Variants in POU2F3 observed in about 807,000 individuals in gnomAD.
POU2F3 encodes POU domain, class 2, transcription factor 3.
A neutral mutation model predicts 59.2 loss-of-function variants in POU2F3; 23 were observed. The ratio of observed to expected loss-of-function variants is 0.39; its 90% CI spans 0.28 to 0.55. The LOEUF (loss-of-function observed/expected upper bound fraction) is 0.55. Among genes scored for constraint, POU2F3 ranks in the 20% least tolerant of loss-of-function variants. POU2F3 has a pLI of 0.66. For missense variants in POU2F3, 473 were observed against 544.5 expected (o/e 0.87, Z 1.31); for synonymous variants, 190 against 214.6 (o/e 0.89, Z 1.00).
At chr11:120,310,034 C>T (rs1941614201) in intron 10 of POU2F3, among the ~76,000 whole-genome samples, 1 of 152,186 alleles carries the variant, frequency 6.6e-6, no homozygotes, top group South Asian at 2.1e-4. Context: ...TTGAAAGGCC[C>T]CTGGCTTTCA....
intron 3 of POU2F3, among the ~76,000 whole-genome samples, chr11:120,294,079 C>T (rs974900298): frequency 5.9e-5 from 9 of 152,180 alleles, no homozygotes; most frequent in Non-Finnish European, 8.8e-5. Flanking sequence ...AGGGCTTCCA[C>T]CTCCTTGGAA....
At chr11:120,274,517 T>G (rs140487570) in intron 3 of POU2F3, among the ~76,000 whole-genome samples, 1 of 152,186 alleles carries the variant, frequency 6.6e-6, no homozygotes, top group Non-Finnish European at 1.5e-5. Flanking sequence ...TGGCTGAGAA[T>G]TCTAGCTTGA....
rs139569140 is a variant in POU2F3, at chr11:120,304,882, A to C, written c.445-148A>C. 2.5e-3 allele frequency: 1,419 copies of C among 559,910 alleles called. 4 individuals carry two copies. The highest frequency in any genetic ancestry group is 3.6e-3 in the Middle Eastern group (7 of 1,954). 34.7% of individuals were successfully genotyped at this position (559,910 alleles called of 1,614,324 possible). A position where few individuals can be genotyped will look rare whatever the true frequency, so the allele number is the denominator to read the frequency against. On this transcript the variant is annotated intron_variant, in intron 6 of 12. Transcript: ENST00000543440. Reference sequence around the variant, plus strand: ...ACTTCCATGCCACTGGAAAAATATAAGACTCCAATGTACCCAGGGTGTATC... The same window carrying C: ...ACTTCCATGCCACTGGAAAAATATACGACTCCAATGTACCCAGGGTGTATC...
chr11:120,259,886 T>C (rs1475592307), intron 2 of POU2F3, among the ~76,000 whole-genome samples: 10 of 152,226 alleles, frequency 6.6e-5, no homozygotes, highest in African/African-American at 1.9e-4. Context: ...GTAGGCATAA[T>C]GTCTGGGGGC....
intron 2 of POU2F3, chr11:120,256,078 C>A (rs911214906): frequency 6.6e-6 from 1 of 152,172 alleles, no homozygotes; most frequent in African/African-American, 2.4e-5. Flanking sequence ...CTGAGGGTCT[C>A]TAAAACAACT....
At chr11:120,237,825 G>T (rs570710249), upstream of POU2F3, among the ~76,000 whole-genome samples, 5 of 152,194 alleles carry the variant, frequency 3.3e-5, no homozygotes, top group South Asian at 1.0e-3. Flanking sequence ...GGCCAGAAGG[G>T]GATGGGAGTT....
At chr11:120,256,051 A>T (rs960161444) in intron 2 of POU2F3, 6 of 152,210 alleles carry the variant, frequency 3.9e-5, no homozygotes, top group African/African-American at 1.2e-4. Context: ...TTTGTGCATA[A>T]GACGAAGGGT....
At chr11:120,273,594 A>G (rs746493070) in intron 3 of POU2F3, among the ~76,000 whole-genome samples, 74 of 152,214 alleles carry the variant, frequency 4.9e-4, no homozygotes, top group Non-Finnish European at 9.6e-4. Flanking sequence ...AGTTTCATTT[A>G]CTAGAAGAGC....
intron 2 of POU2F3, among the ~76,000 whole-genome samples, chr11:120,262,655 T>A (rs1280402882): frequency 6.6e-6 from 1 of 152,262 alleles, no homozygotes; most frequent in African/African-American, 2.4e-5. Context: ...TTGCTTTATG[T>A]ATCAGCTATG....
intron 3 of POU2F3, among the ~76,000 whole-genome samples, chr11:120,273,944 G>A (rs1327922552): frequency 6.6e-6 from 1 of 152,040 alleles, no homozygotes; most frequent in South Asian, 2.1e-4. Context: ...CTTGAACCTG[G>A]GAGGTGGAGG....
upstream of POU2F3, among the ~76,000 whole-genome samples, chr11:120,238,172 G>T (rs1215166701): frequency 6.6e-6 from 1 of 152,082 alleles, no homozygotes. Context: ...CCTGGGAGGC[G>T]GAGATTGCCG....
At chr11:120,311,943 G>A (rs1228271466) in intron 10 of POU2F3, among the ~76,000 whole-genome samples, 1 of 152,070 alleles carries the variant, frequency 6.6e-6, no homozygotes, top group Non-Finnish European at 1.5e-5. Flanking sequence ...CGGAGTGTTG[G>A]GCAGGAATGA....
intron 2 of POU2F3, among the ~76,000 whole-genome samples, chr11:120,252,664 G>T (rs1056216266): frequency 2.6e-5 from 4 of 152,148 alleles, no homozygotes; most frequent in Non-Finnish European, 4.4e-5. Context: ...TTGCTTCTCT[G>T]CCTCCAGCAC....
intron 3 of POU2F3, among the ~76,000 whole-genome samples, chr11:120,272,332 C>G (rs1187727122): frequency 6.6e-6 from 1 of 152,166 alleles, no homozygotes; most frequent in Non-Finnish European, 1.5e-5. Context: ...GCCCATTTTT[C>G]CCATGAGGCC....
At chr11:120,251,479 G>A (rs1011129995) in intron 2 of POU2F3, among the ~76,000 whole-genome samples, 1 of 152,244 alleles carries the variant, frequency 6.6e-6, no homozygotes, top group Non-Finnish European at 1.5e-5. Context: ...GTAATAGAAG[G>A]AGAAGGGTAG....
At chr11:120,280,632 A>AAGAGAG (rs5795223) in intron 3 of POU2F3, among the ~76,000 whole-genome samples, 16 of 139,452 alleles carry the variant, frequency 1.1e-4, no homozygotes, top group African/African-American at 4.3e-4. Context: ...GAGAGAGAAA[A>AAGAGAG]AGAGAGAGAG....
rs368420641 is a variant in POU2F3, at chr11:120,305,628, C to T, written c.628-16C>T. 17 of 1,612,738 alleles carry T rather than the reference C, an allele frequency of 1.1e-5. No homozygotes were observed. Among genetic ancestry groups the T allele is most frequent in the African/African-American group, 8.0e-5 (6 of 75,008 alleles). ...GGCTGCCTCTCATGTTCCTCCCCCTCGGTCCCCACGCTTAGGGAGATGTGG... is the reference window on the plus strand; with the variant it reads ...GGCTGCCTCTCATGTTCCTCCCCCTTGGTCCCCACGCTTAGGGAGATGTGG... On this transcript the variant is annotated splice_polypyrimidine_tract_variant and intron_variant, in intron 7 of 12. Transcript: ENST00000543440.
rs905817364 is a variant in POU2F3 at position 120,305,171 on chromosome 11, A to G, written c.586A>G (p.Lys196Glu). Residue 196 changes from lysine (K) to glutamate (E), a missense_variant, in exon 7 of 13, where the codon AAG becomes GAG. Transcript: ENST00000543440. ...CCTCGAGGAGCTGGAGAAGTTTGCC[A>G]AGACCTTCAAGCAGAGGCGCATTAA... ...SDLEELEKFAKTFKQRRIKLG... is the reference protein window; with the variant it reads ...SDLEELEKFAETFKQRRIKLG... 7 of 1,613,756 alleles carry G rather than the reference A, an allele frequency of 4.3e-6. No individual in the cohort carries two copies. The African/African-American group carries it at 8.0e-5, about 18-fold the overall frequency.
chr11:120,298,465 G>T, intron 4 of POU2F3, 75 bp downstream of exon 4: 1 of 1,585,568 alleles, frequency 6.3e-7, no homozygotes, highest in Non-Finnish European at 8.6e-7. Context: ...TTCCATGCTT[G>T]GTACTCGTCT....
Sources: allele counts gnomAD v4.1 joint callset (sites outside exome capture counted in the v4.1 genomes callset), GRCh38; gene constraint gnomAD v4.1.1; transcripts MANE v1.5; gene names NCBI Gene and HGNC (gene_info 2026-07-23, HGNC 2026-07-21).